MAN1A2: variants seen among roughly 807,000 people sequenced by gnomAD.
MAN1A2 encodes mannosidase alpha class 1A member 2, also known as mannosyl-oligosaccharide 1,2-alpha-mannosidase IB.
A neutral mutation model predicts 75.7 loss-of-function variants in MAN1A2; 26 were observed. The ratio of observed to expected loss-of-function variants is 0.34; its 90% CI spans 0.25 to 0.48. The LOEUF (loss-of-function observed/expected upper bound fraction) is 0.48, where lower values mean the gene tolerates loss of function less well. Among genes scored for constraint, MAN1A2 ranks in the 20% least tolerant of loss-of-function variants. MAN1A2 has a pLI of 0.99. For synonymous variants in MAN1A2, 247 were observed against 264.6 expected (o/e 0.93, Z 0.65); for missense variants, 562 against 775.5 (o/e 0.72, Z 3.27).
At chr1:117,445,884 G>GTGTA (rs1193706343) in intron 6 of MAN1A2, among the ~76,000 whole-genome samples, 5 of 138,768 alleles carry the variant, frequency 3.6e-5, no homozygotes, top group African/African-American at 1.3e-4. Flanking sequence ...CTGTGTGTGT[G>GTGTA]TATATATATA....
intron 8 of MAN1A2, among the ~76,000 whole-genome samples, chr1:117,483,264 A>G (rs913670856): frequency 6.6e-6 from 1 of 151,956 alleles, no homozygotes; most frequent in African/African-American, 2.4e-5. Flanking sequence ...AGTTTTTTCC[A>G]TTTCTGTGAA....
At chr1:117,445,896 A>ATATATATATATG (rs1570750529) in intron 6 of MAN1A2, among the ~76,000 whole-genome samples, 1 of 144,342 alleles carries the variant, frequency 6.9e-6, no homozygotes, top group Non-Finnish European at 1.5e-5. Context: ...ATATATATAT[A>ATATATATATATG]TATGTATATA....
At chr1:117,490,344 AG>A in intron 8 of MAN1A2, among the ~76,000 whole-genome samples, 1 of 151,942 alleles carries the variant, frequency 6.6e-6, no homozygotes, top group Non-Finnish European at 1.5e-5. Flanking sequence ...TTTTTTCCTT[AG>A]TATTATGTAT....
chr1:117,489,567 A>C (rs866843420), intron 8 of MAN1A2, among the ~76,000 whole-genome samples: 1 of 151,948 alleles, frequency 6.6e-6, no homozygotes, highest in Non-Finnish European at 1.5e-5. Context: ...CTTGTTACGT[A>C]TGTTGCACAT....
chr1:117,516,312 A>G (rs1451689919), intron 12 of MAN1A2, among the ~76,000 whole-genome samples: 1 of 152,170 alleles, frequency 6.6e-6, no homozygotes. Context: ...GAAAATATAG[A>G]TGTATTTAAT....
chr1:117,514,271 G>A (rs1651640078), intron 12 of MAN1A2, among the ~76,000 whole-genome samples: 1 of 151,748 alleles, frequency 6.6e-6, no homozygotes, highest in Non-Finnish European at 1.5e-5. Context: ...GCTGAGACAG[G>A]AGAATCACTT....
At chr1:117,412,778 C>T (rs1647866012) in intron 3 of MAN1A2, among the ~76,000 whole-genome samples, 1 of 151,670 alleles carries the variant, frequency 6.6e-6, no homozygotes, top group South Asian at 2.1e-4. Flanking sequence ...TGATGATAGC[C>T]AGTAATTTCA....
At chr1:117,429,413 C>A (rs1366813645) in intron 5 of MAN1A2, among the ~76,000 whole-genome samples, 5 of 125,856 alleles carry the variant, frequency 4.0e-5, no homozygotes, top group African/African-American at 1.5e-4. Context: ...CCGGACGGGG[C>A]GGCTGGCCGG....
chr1:117,461,043 T>G (rs1649800619), intron 7 of MAN1A2, among the ~76,000 whole-genome samples: 14 of 152,182 alleles, frequency 9.2e-5, no homozygotes, highest in Admixed American at 9.2e-4. Flanking sequence ...AATATGTTTT[T>G]TTAAATAGAT....
At chr1:117,514,879 C>A in intron 12 of MAN1A2, 1 of 532,884 alleles carries the variant, frequency 1.9e-6, no homozygotes, top group South Asian at 1.4e-5. Flanking sequence ...AACTGTTTTT[C>A]CAGCTGGATG....
chr1:117,458,523 A>ATTTTTTTTTTTTTC (rs1649699027), intron 6 of MAN1A2, among the ~76,000 whole-genome samples: 1 of 105,610 alleles, frequency 9.5e-6, no homozygotes, highest in Non-Finnish European at 2.0e-5. Flanking sequence ...ATATATATAT[A>ATTTTTTTTTTTTTC]TTTTTTTTTT....
At chr1:117,495,371 G>A (rs1039029970) in intron 9 of MAN1A2, among the ~76,000 whole-genome samples, 7 of 151,726 alleles carry the variant, frequency 4.6e-5, no homozygotes, top group East Asian at 3.9e-4. Context: ...TTCTATTAGC[G>A]TATTATAAAA....
At chr1:117,377,585 T>C (rs1413946796) in intron 1 of MAN1A2, among the ~76,000 whole-genome samples, 2 of 152,208 alleles carry the variant, frequency 1.3e-5, no homozygotes, top group Admixed American at 1.3e-4. Flanking sequence ...CCTGAAGCTA[T>C]AACATGACAT....
intron 6 of MAN1A2, among the ~76,000 whole-genome samples, chr1:117,442,541 A>G (rs1249934273): frequency 6.6e-6 from 1 of 152,104 alleles, no homozygotes. Context: ...TAATTGTCTT[A>G]ACTTGATTGC....
intron 2 of MAN1A2, among the ~76,000 whole-genome samples, chr1:117,403,848 A>G (rs936598958): frequency 3.3e-5 from 5 of 152,134 alleles, no homozygotes; most frequent in African/African-American, 9.7e-5. Context: ...TTTGTTCCCA[A>G]CTTTAGGGGT....
chr1:117,390,669 C>T (rs929524251), intron 1 of MAN1A2, among the ~76,000 whole-genome samples: 1 of 151,344 alleles, frequency 6.6e-6, no homozygotes, highest in Non-Finnish European at 1.5e-5. Context: ...GTTTAATTTT[C>T]TCTTTTTTCC....
At chr1:117,424,366 T>G (rs977116838) in intron 5 of MAN1A2, among the ~76,000 whole-genome samples, 3 of 152,196 alleles carry the variant, frequency 2.0e-5, no homozygotes, top group African/African-American at 7.2e-5. Context: ...CTTTATTCTC[T>G]TCCACGATCA....
chr1:117,428,784 C>CTT (rs780515731), intron 5 of MAN1A2, among the ~76,000 whole-genome samples: 2,591 of 110,006 alleles, frequency 0.024, 70 homozygotes, highest in African/African-American at 0.085. Context: ...GGAGACCTTT[C>CTT]TTTTTTTTTT....
chr1:117,397,612 T>C (rs1647221242), intron 1 of MAN1A2, among the ~76,000 whole-genome samples: 1 of 150,870 alleles, frequency 6.6e-6, no homozygotes, highest in African/African-American at 2.4e-5. Context: ...TTGTATTGCC[T>C]ACCCTGTAGT....
Sources: allele counts gnomAD v4.1 joint callset (sites outside exome capture counted in the v4.1 genomes callset), GRCh38; gene constraint gnomAD v4.1.1; transcripts MANE v1.5; gene names NCBI Gene and HGNC (gene_info 2026-07-23, HGNC 2026-07-21).